The following DNAH10 variants were observed in gnomAD, a reference collection of about 807,000 sequenced individuals.
DNAH10 encodes dynein axonemal heavy chain 10.
DNAH10 carries 348 observed loss-of-function variants against 506.6 expected under a neutral mutation model. That is an observed-to-expected ratio of 0.69 (90% confidence interval 0.63 to 0.75). The LOEUF is 0.75. DNAH10 is among the 30% of genes least tolerant of loss of function. The pLI, the probability that DNAH10 is intolerant of heterozygous loss-of-function variation, is 0.00. For missense variants in DNAH10, 5,179 were observed against 5,787.1 expected, an observed-to-expected ratio of 0.89 and a Z score of 3.41; for synonymous variants, 2,059 against 2,198.6, an observed-to-expected ratio of 0.94 and a Z score of 1.78.
intron 30 of DNAH10, among the ~76,000 whole-genome samples, chr12:123,845,315 G>C (rs1950908217): frequency 6.6e-6 from 1 of 152,158 alleles, no homozygotes; most frequent in Non-Finnish European, 1.5e-5. Flanking sequence ...TTTAAAAAGT[G>C]ATCTGGCATC....
chr12:123,828,434 TG>T (rs1960208758), intron 25 of DNAH10, among the ~76,000 whole-genome samples: 1 of 152,136 alleles, frequency 6.6e-6, no homozygotes, highest in African/African-American at 2.4e-5. Flanking sequence ...GGATTTAGGG[TG>T]GGAGAGCTTA....
At chr12:123,921,954 A>C (rs940531916) in intron 65 of DNAH10, among the ~76,000 whole-genome samples, 1 of 151,870 alleles carries the variant, frequency 6.6e-6, no homozygotes, top group South Asian at 2.1e-4. Context: ...ATCTCAAGTG[A>C]TCTGCCCACC....
Position 123,931,689 on chromosome 12 carries a change from G to T in DNAH10, c.12970G>T (p.Glu4324Ter). 3 of 1,614,044 alleles carry T rather than the reference G, an allele frequency of 1.9e-6. No homozygotes were observed. The highest frequency in any genetic ancestry group is 2.5e-6 in the Non-Finnish European group (3 of 1,179,906). ...TGATTATATTGGCCAAGTGGCCAAA[G>T]AAATAGAAAACAAGATGCCCAAAGT... The part of the protein sequence containing the change: ...RDDYIGQVAK[E>*]IENKMPKVFD... Residue 4324 changes from glutamate to a stop codon, truncating the protein, a stop_gained, in exon 75 of 79, where the codon GAA (glutamate) becomes TAA (stop). Transcript: ENST00000673944. LOFTEE classifies it high-confidence loss of function.
chr12:123,892,771 T>C (rs1411250970), intron 52 of DNAH10, among the ~76,000 whole-genome samples: 2 of 152,242 alleles, frequency 1.3e-5, no homozygotes, highest in Non-Finnish European at 1.5e-5. Context: ...GGGGCTGGGC[T>C]GTTCTTTGTT....
At chr12:123,839,058 C>T (rs1027704008) in intron 29 of DNAH10, among the ~76,000 whole-genome samples, 2 of 152,090 alleles carry the variant, frequency 1.3e-5, no homozygotes, top group African/African-American at 4.8e-5. Flanking sequence ...AAGCAATGCT[C>T]CCACCTCGGC....
intron 19 of DNAH10, among the ~76,000 whole-genome samples, chr12:123,812,405 T>C (rs1269925800): frequency 6.6e-6 from 1 of 152,008 alleles, no homozygotes; most frequent in Non-Finnish European, 1.5e-5. Flanking sequence ...GAGCTGAGAT[T>C]GCGCCACTGC....
At position 123,907,244 on chromosome 12, in the gene DNAH10, T is replaced by C. The variant is rs1953824980; in HGVS notation, c.9816-2017T>C. On this transcript the variant is annotated intron_variant, in intron 57 of 78. Transcript: ENST00000673944. This position sits in a 1 kb window ranked among gnomAD's most constrained non-coding sequence, Gnocchi z 4.4. ...TGGAGGGCGGAGGGGGCACCTTCTC[T>C]GAGATTGCAAGGAGCTCGGCTGGAG... 6.6e-6 allele frequency among the ~76,000 whole-genome samples: 1 copy of C among 152,320 alleles called. No individual in the cohort carries two copies. Among genetic ancestry groups the C allele is most frequent in the African/African-American group, 2.4e-5 (1 of 41,574 alleles).
chr12:123,876,830 G>A (rs1952275690), intron 47 of DNAH10, among the ~76,000 whole-genome samples: 1 of 151,868 alleles, frequency 6.6e-6, no homozygotes, highest in Admixed American at 6.6e-5. Flanking sequence ...AGGTATGATG[G>A]TGTCCTGTAG....
rs181985621 is a variant in DNAH10 at position 123,767,962 on chromosome 12, C to T, written c.298+273C>T. On this transcript the variant is annotated intron_variant, in intron 2 of 78. Transcript: ENST00000673944. ...AAATCAAGGTGCTGGCAGGGCTGCG[C>T]TCCCTCTGCAGGACCAAGGGGAGGA... is the stretch of plus-strand genomic sequence containing the variant. Among the ~76,000 whole-genome samples the T allele has an allele frequency of 2.6e-5, 4 of 152,290 alleles. No individual in the cohort carries two copies. The South Asian group carries it at 6.2e-4, about 24-fold the overall frequency.
In DNAH10 at chr12:123,877,783, C is replaced by G. The variant is rs1952324229; in HGVS notation, c.8247C>G (p.Cys2749Trp). 1 of 1,613,674 alleles carries G rather than the reference C, an allele frequency of 6.2e-7. No individual in the cohort carries two copies. The highest frequency in any genetic ancestry group is 1.3e-5 in the African/African-American group (1 of 74,886). Residue 2749 changes from cysteine (C) to tryptophan (W), a missense_variant, in exon 48 of 79, where the codon TGC becomes TGG. Transcript: ENST00000673944. ...CTGTGAGTGGCAAGCTGACATTCTG[C>G]ACGCTAGCACTTTACAAAAATATTG... ...IVAVSGKLTFCTLALYKNIVQ... is the reference protein window; with the variant it reads ...IVAVSGKLTFWTLALYKNIVQ...
At chr12:123,867,870 G>A in intron 42 of DNAH10, 33 bp from the exon 43 acceptor site, 2 of 1,594,676 alleles carry the variant, frequency 1.3e-6, no homozygotes, top group Non-Finnish European at 1.7e-6. Flanking sequence ...GGTGGACTAT[G>A]TGGGCTGAAC....
intron 16 of DNAH10, among the ~76,000 whole-genome samples, chr12:123,801,982 A>G (rs141620351): frequency 1.1e-4 from 17 of 152,342 alleles, no homozygotes; most frequent in African/African-American, 3.6e-4. Context: ...TCAGAGTGTT[A>G]TATAAATGAG....
At chr12:123,879,573 G>A in intron 49 of DNAH10, 61 bp from the exon 50 acceptor site, 1 of 1,599,070 alleles carries the variant, frequency 6.3e-7, no homozygotes, top group Non-Finnish European at 8.5e-7. Context: ...TCTGCTCCTA[G>A]CAAGTTTCAG....
At chr12:123,930,020 G>T in intron 72 of DNAH10, 1 of 584,380 alleles carries the variant, frequency 1.7e-6, no homozygotes, top group Non-Finnish European at 3.0e-6. Flanking sequence ...AGCTGTTGCT[G>T]TATACAGAGC....
At chr12:123,931,527 C>G (rs1014864346) in intron 74 of DNAH10, 55 bp downstream of exon 74, 66 of 1,606,556 alleles carry the variant, frequency 4.1e-5, no homozygotes, top group Non-Finnish European at 5.5e-5. Flanking sequence ...ACGATTGCTT[C>G]TTGTAGCCCT....
intron 54 of DNAH10, among the ~76,000 whole-genome samples, chr12:123,895,351 C>G (rs1374007537): frequency 1.3e-5 from 2 of 152,096 alleles, no homozygotes; most frequent in South Asian, 2.1e-4. Flanking sequence ...CACTGGGTAA[C>G]CTTGAAAATA....
chr12:123,910,174 G>A lies in DNAH10; in HGVS notation c.9998-362G>A, dbSNP rs533648016. Among the ~76,000 whole-genome samples, 70 of 152,294 alleles carry A rather than the reference G, an allele frequency of 4.6e-4. No homozygotes were observed. In the Middle Eastern group the frequency reaches 0.014, roughly 30 times the overall value. On this transcript the variant is annotated intron_variant, in intron 58 of 78. Transcript: ENST00000673944. Reference sequence around the variant, plus strand: ...CTGAATCTTCATTGGATGGACTTCCGTTTATGTGAAATTACTCCTGGGGTG... The same window carrying A: ...CTGAATCTTCATTGGATGGACTTCCATTTATGTGAAATTACTCCTGGGGTG...
chr12:123,847,994 G>A lies in DNAH10; in HGVS notation c.5848G>A (p.Gly1950Ser), dbSNP rs768459284. 8 of 1,613,412 alleles carry A rather than the reference G, an allele frequency of 5.0e-6. No homozygotes were observed. The highest frequency in any genetic ancestry group is 1.6e-4 in the Middle Eastern group (1 of 6,072). Residue 1950 changes from glycine (G) to serine (S), a missense_variant, in exon 33 of 79, where the codon GGC (glycine) becomes AGC (serine). Transcript: ENST00000673944. The stretch of plus-strand genomic sequence containing the variant: ...CATGTATCTAGGTGGGGCCCCCGCC[G>A]GCCCAGCAGGAACCGGCAAAACCGA... The part of the protein sequence containing the change: ...LSMYLGGAPA[G>S]PAGTGKTETT...
intron 66 of DNAH10, chr12:123,924,072 G>A (rs1954837907): frequency 1.3e-6 from 1 of 758,748 alleles, no homozygotes; most frequent in Non-Finnish European, 2.1e-6. Flanking sequence ...TCTGTCTCGG[G>A]GCCATCCTGA....
Sources: allele counts gnomAD v4.1 joint callset (sites outside exome capture counted in the v4.1 genomes callset), GRCh38; gene constraint gnomAD v4.1.1; non-coding constraint Gnocchi (gnomAD v3.1); transcripts MANE v1.5; gene names NCBI Gene and HGNC (gene_info 2026-07-23, HGNC 2026-07-21).